B3GALT1: variants seen among roughly 807,000 people sequenced by gnomAD.
The protein encoded by B3GALT1 is beta-1,3-galactosyltransferase 1.
Under a neutral mutation model 23.2 loss-of-function variants are expected in B3GALT1, and 10 were observed. The observed-to-expected ratio is 0.43, with a 90% confidence interval of 0.27 to 0.73. The LOEUF (loss-of-function observed/expected upper bound fraction) is 0.73. Ranked by LOEUF, B3GALT1 falls within the 30% of genes least tolerant of loss-of-function variation. B3GALT1 has a pLI of 0.21. For synonymous variants in B3GALT1, 156 were observed against 141.5 expected (o/e 1.10, Z -0.73); for missense variants, 299 against 405.4 (o/e 0.74, Z 2.25).
intron 1 of B3GALT1, among the ~76,000 whole-genome samples, chr2:167,389,945 A>G (rs570611422): frequency 3.4e-4 from 51 of 150,968 alleles, no homozygotes; most frequent in African/African-American, 1.2e-3. Flanking sequence ...AAAGAAAGAA[A>G]AGAAAACCAT....
intron 3 of B3GALT1, among the ~76,000 whole-genome samples, chr2:167,812,137 A>C (rs1386633537): frequency 6.6e-6 from 1 of 152,232 alleles, no homozygotes; most frequent in Non-Finnish European, 1.5e-5. Context: ...ACTAGAGCTA[A>C]CTGGCTGCAG....
chr2:167,784,685 T>A (rs1383878299), intron 3 of B3GALT1, among the ~76,000 whole-genome samples: 1 of 152,182 alleles, frequency 6.6e-6, no homozygotes, highest in Non-Finnish European at 1.5e-5. Flanking sequence ...TCTGTGGCAA[T>A]GAAAATGATG....
At chr2:167,367,430 C>T (rs1697605374) in intron 1 of B3GALT1, among the ~76,000 whole-genome samples, 1 of 152,198 alleles carries the variant, frequency 6.6e-6, no homozygotes, top group Admixed American at 6.5e-5. Context: ...CCAGAATTCT[C>T]TACTGGATAG....
intron 2 of B3GALT1, among the ~76,000 whole-genome samples, chr2:167,529,274 A>C (rs73026006): frequency 0.032 from 4,799 of 151,986 alleles, 242 homozygotes; most frequent in African/African-American, 0.11. Context: ...GGCATATCTC[A>C]TTCCAGACTA....
intron 2 of B3GALT1, among the ~76,000 whole-genome samples, chr2:167,620,082 G>A (rs748433376): frequency 3.9e-5 from 6 of 152,034 alleles, no homozygotes; most frequent in African/African-American, 1.2e-4. Context: ...TGATAAGTTC[G>A]CTGAGATCTG....
chr2:167,335,065 T>C (rs1697037485), intron 1 of B3GALT1, among the ~76,000 whole-genome samples: 1 of 152,196 alleles, frequency 6.6e-6, no homozygotes, highest in Non-Finnish European at 1.5e-5. Context: ...ACTTTAGGTG[T>C]AATTTGTAGC....
intron 1 of B3GALT1, among the ~76,000 whole-genome samples, chr2:167,301,873 C>A (rs1402835314): frequency 6.6e-6 from 1 of 152,094 alleles, no homozygotes; most frequent in East Asian, 1.9e-4. Flanking sequence ...CTGCCCAGTC[C>A]AAGATCAAGG....
intron 2 of B3GALT1, among the ~76,000 whole-genome samples, chr2:167,555,683 A>G (rs1036831641): frequency 6.6e-6 from 1 of 152,192 alleles, no homozygotes; most frequent in Non-Finnish European, 1.5e-5. Context: ...TAGGAGTTAC[A>G]GTCTTCATTA....
chr2:167,672,136 T>G (rs1686341697), intron 3 of B3GALT1, among the ~76,000 whole-genome samples: 1 of 152,090 alleles, frequency 6.6e-6, no homozygotes, highest in South Asian at 2.1e-4. Context: ...TTTGAAAAAT[T>G]TTAACCTGAA....
chr2:167,374,915 C>T (rs1697739870), intron 1 of B3GALT1, among the ~76,000 whole-genome samples: 1 of 151,796 alleles, frequency 6.6e-6, no homozygotes, highest in East Asian at 1.9e-4. Flanking sequence ...AAATTGTTTC[C>T]TCAAGGCCAA....
chr2:167,814,330 A>C (rs1688948026), intron 3 of B3GALT1, among the ~76,000 whole-genome samples: 1 of 152,224 alleles, frequency 6.6e-6, no homozygotes, highest in Non-Finnish European at 1.5e-5. Context: ...AATCACTGAT[A>C]GCATGGCAGG....
intron 1 of B3GALT1, among the ~76,000 whole-genome samples, chr2:167,372,885 A>T (rs1444816904): frequency 6.6e-6 from 1 of 152,088 alleles, no homozygotes; most frequent in Non-Finnish European, 1.5e-5. Context: ...TATTGTTAAA[A>T]TGTCAGCTCT....
chr2:167,606,299 T>A (rs969640073), intron 2 of B3GALT1, among the ~76,000 whole-genome samples: 3 of 152,204 alleles, frequency 2.0e-5, no homozygotes, highest in Non-Finnish European at 4.4e-5. Context: ...GGGAATGTGC[T>A]TAGCTGAATT....
At chr2:167,360,988 A>G (rs892362300) in intron 1 of B3GALT1, among the ~76,000 whole-genome samples, 1 of 152,150 alleles carries the variant, frequency 6.6e-6, no homozygotes, top group South Asian at 2.1e-4. Flanking sequence ...TATTTCACTT[A>G]ACGTAATGGC....
intron 1 of B3GALT1, among the ~76,000 whole-genome samples, chr2:167,297,217 C>A (rs1345099375): frequency 2.0e-5 from 3 of 152,002 alleles, no homozygotes; most frequent in Non-Finnish European, 4.4e-5. Flanking sequence ...AAATTAACAA[C>A]ATTTAAACAA....
intron 1 of B3GALT1, among the ~76,000 whole-genome samples, chr2:167,372,444 G>A (rs540488080): frequency 1.3e-5 from 2 of 152,178 alleles, no homozygotes; most frequent in East Asian, 3.9e-4. Flanking sequence ...TGGAGATGAA[G>A]CCCAGAGGCC....
chr2:167,677,400 A>T (rs1008511246), intron 3 of B3GALT1, among the ~76,000 whole-genome samples: 6 of 152,230 alleles, frequency 3.9e-5, no homozygotes, highest in Non-Finnish European at 7.3e-5. Flanking sequence ...TATAAAAGAG[A>T]TAAAAGCAGT....
chr2:167,547,719 G>T (rs1410066500), intron 2 of B3GALT1, among the ~76,000 whole-genome samples: 2 of 142,050 alleles, frequency 1.4e-5, no homozygotes, highest in African/African-American at 2.9e-5. Context: ...AAAAAGAAGA[G>T]TCACAGAGGC....
chr2:167,414,504 C>T (rs1261140117), intron 1 of B3GALT1, among the ~76,000 whole-genome samples: 1 of 152,092 alleles, frequency 6.6e-6, no homozygotes, highest in Non-Finnish European at 1.5e-5. Context: ...CATTTGTTCC[C>T]TTCTTGGTTC....
Sources: allele counts gnomAD v4.1 joint callset (sites outside exome capture counted in the v4.1 genomes callset), GRCh38; gene constraint gnomAD v4.1.1; transcripts MANE v1.5; gene names NCBI Gene and HGNC (gene_info 2026-07-23, HGNC 2026-07-21).